SUMO2: variants seen among roughly 807,000 people sequenced by gnomAD.
SUMO2 encodes the protein small ubiquitin like modifier 2, also known as small ubiquitin-related modifier 2.
In SUMO2, 1 loss-of-function variant was observed where a neutral mutation model predicts 16.0. The observed-to-expected ratio is 0.06, with a 90% CI of 0.02 to 0.30. SUMO2 has a LOEUF of 0.30. SUMO2 is among the 10% of genes least tolerant of loss of function. The probability of loss-of-function intolerance (pLI) is 1.00; values close to 1 mark genes in which losing one functional copy is unlikely to be tolerated. For missense variants in SUMO2, 16 were observed against 117.5 expected, an observed-to-expected ratio of 0.14 and a Z score of 3.99; for synonymous variants, 36 against 40.6, an observed-to-expected ratio of 0.89 and a Z score of 0.43.
rs906212118 is a variant in SUMO2 at position 75,182,955 on chromosome 17, G to A, written c.-121C>T. 2.3e-6 allele frequency: 2 copies of A among 854,882 alleles called. No individual in the cohort carries two copies. The highest frequency in any genetic ancestry group is 3.2e-6 in the Non-Finnish European group (2 of 630,998). The allele number at this position is 854,882 out of a possible 1,614,324, so 53.0% of individuals were successfully genotyped here. ...AGGAGGCGGCAGCGGTGGACGAGGG[G>A]AGAGGGTGCGCGCACGTCGTGCGCT... On this transcript the variant is annotated 5_prime_UTR_variant, in exon 1 of 4. Coordinates refer to ENST00000420826, the MANE Select transcript of SUMO2 (RefSeq NM_006937.4).
chr17:75,181,755 G>C lies in SUMO2; in HGVS notation c.22-567C>G, dbSNP rs892589487. On this transcript the variant is annotated intron_variant, in intron 1 of 3. Coordinates refer to ENST00000420826, the MANE Select transcript of SUMO2 (RefSeq NM_006937.4). ...CCCCCCGGAACAGCGGTAATACTCAGTCAGGACCACAGTTAACGTTCTCCT... is the reference window on the plus strand; with the variant it reads ...CCCCCCGGAACAGCGGTAATACTCACTCAGGACCACAGTTAACGTTCTCCT... Among the ~76,000 whole-genome samples, 15 of 152,146 alleles carry C rather than the reference G, an allele frequency of 9.9e-5. No homozygotes were observed. In the Middle Eastern group the frequency reaches 0.01, roughly 104 times the overall value.
chr17:75,173,290 G>A (rs1426435701), intron 3 of SUMO2, among the ~76,000 whole-genome samples: 1 of 151,908 alleles, frequency 6.6e-6, no homozygotes, highest in Admixed American at 6.6e-5. Flanking sequence ...AACTTCCCAA[G>A]AAGCTGGGAC....
At chr17:75,169,848 C>CA (rs34254735) in intron 3 of SUMO2, among the ~76,000 whole-genome samples, 6,399 of 70,396 alleles carry the variant, frequency 0.091, 432 homozygotes, top group African/African-American at 0.2. Context: ...GACTTGGTCT[C>CA]AAAAAAAAAA....
intron 3 of SUMO2, among the ~76,000 whole-genome samples, chr17:75,171,191 G>A (rs1281308334): frequency 2.0e-5 from 3 of 151,494 alleles, no homozygotes; most frequent in Admixed American, 6.6e-5. Context: ...GTGCAATGGC[G>A]CAATCTTGGC....
At chr17:75,174,390 C>CA (rs1478031369) in intron 3 of SUMO2, among the ~76,000 whole-genome samples, 4 of 151,252 alleles carry the variant, frequency 2.6e-5, no homozygotes, top group East Asian at 2.0e-4. Flanking sequence ...GATTCCGTCA[C>CA]AAAAAACAAA....
chr17:75,181,697 A>G (rs7213926), intron 1 of SUMO2, among the ~76,000 whole-genome samples: 4,048 of 152,208 alleles, frequency 0.027, 173 homozygotes, highest in African/African-American at 0.092. Flanking sequence ...GGAAACACAC[A>G]AACAAAAAAA....
Position 75,177,988 on chromosome 17 carries a change from C to CAAAAAAAAAAAAAA in SUMO2, c.153+3055_153+3068dup, listed in dbSNP as rs59613076. On this transcript the variant is annotated intron_variant, in intron 2 of 3. Transcript: ENST00000420826. The stretch of plus-strand genomic sequence containing the variant: ...TGACCGACAAAGCGAGACTCCGTCT[C>CAAAAAAAAAAAAAA]AAAAAAAAAAAAAAAAAAAAAAAGA... Among the ~76,000 whole-genome samples the CAAAAAAAAAAAAAA allele has an allele frequency of 2.4e-4, 16 of 66,412 alleles. 1 individual carries two copies. The highest frequency in any genetic ancestry group is 1.0e-3 in the African/African-American group (15 of 14,796). The allele number at this position is 66,412 out of a possible 152,430, so 43.6% of individuals were successfully genotyped here.
Position 75,182,837 on chromosome 17 carries a change from C to A in SUMO2, c.-3G>T. The A allele has an allele frequency of 7.1e-7, 1 of 1,407,770 alleles. No homozygotes were observed. Among genetic ancestry groups the A allele is most frequent in the Non-Finnish European group, 9.3e-7 (1 of 1,073,984 alleles). 87.2% of individuals were successfully genotyped at this position (1,407,770 alleles called of 1,614,324 possible). A position where few individuals can be genotyped will look rare whatever the true frequency, so the allele number is the denominator to read the frequency against. On this transcript the variant is annotated 5_prime_UTR_variant, in exon 1 of 4. Coordinates refer to ENST00000420826, the MANE Select transcript of SUMO2 (RefSeq NM_006937.4). ...ACCTTGGGCTTTTCGTCGGCCATGG[C>A]GAGCGCCGGAGTCTCCTCAGCTGCC... is the stretch of plus-strand genomic sequence containing the variant.
chr17:75,182,687 G>C, intron 1 of SUMO2, 127 bp downstream of exon 1: 1 of 782,436 alleles, frequency 1.3e-6, no homozygotes, highest in Non-Finnish European at 1.7e-6. Flanking sequence ...GCCCGGGCCT[G>C]AGCCGCGGCC....
chr17:75,179,222 C>T (rs1416922657), intron 2 of SUMO2, among the ~76,000 whole-genome samples: 1 of 151,988 alleles, frequency 6.6e-6, no homozygotes, highest in East Asian at 1.9e-4. Flanking sequence ...CAGCAAAATT[C>T]TTCAAATAAG....
At chr17:75,182,614 G>C (rs2074838280) in intron 1 of SUMO2, 200 bp downstream of exon 1, 1 of 351,076 alleles carries the variant, frequency 2.8e-6, no homozygotes, top group African/African-American at 2.2e-5. Context: ...GCGGGAGAGA[G>C]CGGCGGGGCC....
chr17:75,170,979 G>A (rs890401212), intron 3 of SUMO2, among the ~76,000 whole-genome samples: 4 of 138,728 alleles, frequency 2.9e-5, no homozygotes, highest in Admixed American at 2.7e-4. Context: ...AGTAGATACA[G>A]TGTTAGGCTA....
intron 3 of SUMO2, among the ~76,000 whole-genome samples, chr17:75,169,540 C>A (rs950864583): frequency 6.6e-6 from 1 of 151,786 alleles, no homozygotes; most frequent in East Asian, 1.9e-4. Flanking sequence ...CCCGCCACAA[C>A]GCCTGGCTAA....
At chr17:75,171,939 T>C (rs921340758) in intron 3 of SUMO2, among the ~76,000 whole-genome samples, 3 of 151,858 alleles carry the variant, frequency 2.0e-5, no homozygotes, top group African/African-American at 4.8e-5. Context: ...CTTTAAAAAA[T>C]GAGGTTCCTG....
chr17:75,178,001 A>AG (rs2145224223), intron 2 of SUMO2, among the ~76,000 whole-genome samples: 1 of 149,642 alleles, frequency 6.7e-6, no homozygotes, highest in South Asian at 2.1e-4. Flanking sequence ...AAAAAAAAAA[A>AG]AAAAAAAAAA....
chr17:75,178,898 T>C (rs1598227785), intron 2 of SUMO2, among the ~76,000 whole-genome samples: 1 of 152,070 alleles, frequency 6.6e-6, no homozygotes, highest in African/African-American at 2.4e-5. Context: ...GAGGATGCAG[T>C]GAGCCGAGAT....
rs79249555 is a variant in SUMO2 at position 75,171,546 on chromosome 17, G to A, written c.226-3145C>T. Among the ~76,000 whole-genome samples, 1,230 of 151,976 alleles carry A rather than the reference G, an allele frequency of 8.1e-3. 16 individuals are homozygous for A. The highest frequency in any genetic ancestry group is 0.014 in the Non-Finnish European group (930 of 67,934). On this transcript the variant is annotated intron_variant, in intron 3 of 3. Transcript: ENST00000420826. ...AAAAAAATAAAAAAAAGCTGGGGAG[G>A]CAGGAGGCCTGCTAAGATGTTTTAA...
intron 2 of SUMO2, among the ~76,000 whole-genome samples, chr17:75,175,644 G>A (rs2074776465): frequency 6.7e-6 from 1 of 149,840 alleles, no homozygotes; most frequent in Admixed American, 6.7e-5. Context: ...GTTTTTGTTT[G>A]TTTGTTAAGA....
At chr17:75,177,122 G>A (rs1345026812) in intron 2 of SUMO2, among the ~76,000 whole-genome samples, 2 of 151,670 alleles carry the variant, frequency 1.3e-5, no homozygotes, top group East Asian at 1.9e-4. Context: ...GGGAGGTGGA[G>A]GTTGCAATGA....
Sources: gnomAD v4.1 joint callset for allele counts (sites outside exome capture counted in the v4.1 genomes callset) on GRCh38, gnomAD v4.1.1 for gene constraint, MANE v1.5 for transcripts, NCBI Gene and HGNC (gene_info 2026-07-23, HGNC 2026-07-21) for gene names.